FSHR: variants seen among roughly 807,000 people sequenced by gnomAD.
FSHR encodes the protein follicle-stimulating hormone receptor.
A neutral mutation model predicts 52.1 loss-of-function variants in FSHR; 46 were observed. The observed-to-expected ratio is 0.88, with a 90% CI of 0.70 to 1.13. The LOEUF (loss-of-function observed/expected upper bound fraction) is 1.13, where lower values mean the gene tolerates loss of function less well. Among genes scored for constraint, FSHR ranks in the 50% most tolerant of loss-of-function variants. FSHR has a pLI of 0.00. For missense variants in FSHR, 964 were observed against 834.6 expected, an observed-to-expected ratio of 1.16 and a Z score of -1.91; for synonymous variants, 399 against 309.6, an observed-to-expected ratio of 1.29 and a Z score of -3.03.
intron 2 of FSHR, among the ~76,000 whole-genome samples, chr2:49,056,997 AT>A (rs940123764): frequency 1.2e-4 from 19 of 152,236 alleles, no homozygotes; most frequent in African/African-American, 4.3e-4. Context: ...AACCTATGGG[AT>A]GAGCAAAAGC....
intron 2 of FSHR, among the ~76,000 whole-genome samples, chr2:49,065,730 T>C (rs1669479634): frequency 6.6e-6 from 1 of 152,000 alleles, no homozygotes; most frequent in African/African-American, 2.4e-5. Flanking sequence ...ATCTGACAAC[T>C]GGTCATTCAA....
At chr2:48,974,848 A>T (rs1674915020) in intron 8 of FSHR, among the ~76,000 whole-genome samples, 1 of 152,186 alleles carries the variant, frequency 6.6e-6, no homozygotes. Flanking sequence ...CTGTTCTCCT[A>T]AAACATACAC....
chr2:49,076,035 A>G (rs1669938859), intron 1 of FSHR, among the ~76,000 whole-genome samples: 1 of 152,200 alleles, frequency 6.6e-6, no homozygotes, highest in Non-Finnish European at 1.5e-5. Context: ...AAGTGAATAG[A>G]CCTATAATTA....
At chr2:49,119,708 T>C (rs900072106) in intron 1 of FSHR, among the ~76,000 whole-genome samples, 12 of 152,048 alleles carry the variant, frequency 7.9e-5, no homozygotes, top group Non-Finnish European at 4.4e-5. Flanking sequence ...TTTGCAGTGG[T>C]TATGATTGCA....
intron 2 of FSHR, among the ~76,000 whole-genome samples, chr2:49,059,196 T>C (rs1416019551): frequency 1.3e-5 from 2 of 151,634 alleles, no homozygotes; most frequent in African/African-American, 4.9e-5. Context: ...TAAGACCTTG[T>C]CTCTAAAAAT....
intron 4 of FSHR, among the ~76,000 whole-genome samples, chr2:49,013,186 G>C (rs1667339780): frequency 6.6e-6 from 1 of 150,816 alleles, no homozygotes; most frequent in Non-Finnish European, 1.5e-5. Context: ...GGAGAAGGCA[G>C]CTGTCTGCAA....
rs70946839 is a variant in FSHR, at chr2:48,985,697, G to GTTTTTTTTTT, written c.525-2541_525-2532dup. Among the ~76,000 whole-genome samples the GTTTTTTTTTT allele has an allele frequency of 1.8e-4, 18 of 99,572 alleles. 7 individuals carry two copies. Among genetic ancestry groups the GTTTTTTTTTT allele is most frequent in the African/African-American group, 4.6e-4 (11 of 23,906 alleles). 65.3% of individuals were successfully genotyped at this position (99,572 alleles called of 152,430 possible). A position where few individuals can be genotyped will look rare whatever the true frequency, so the allele number is the denominator to read the frequency against. ...TTCAGTTTCAGGGGAGCAAGTACAG[G>GTTTTTTTTTT]TTTTTTTTTTTTTTTTTTTTTTTTT... On this transcript the variant is annotated intron_variant, in intron 6 of 9. Transcript: ENST00000406846.
At chr2:49,064,062 T>TTGTG (rs61681324) in intron 2 of FSHR, among the ~76,000 whole-genome samples, 7,325 of 148,536 alleles carry the variant, frequency 0.049, 200 homozygotes, top group Middle Eastern at 0.069. Context: ...CATGAAGAGT[T>TTGTG]TGTGTGTGTG....
At chr2:49,104,677 A>C (rs901480948) in intron 1 of FSHR, among the ~76,000 whole-genome samples, 1 of 152,142 alleles carries the variant, frequency 6.6e-6, no homozygotes, top group Non-Finnish European at 1.5e-5. Context: ...ACAAGAATGT[A>C]AAGAGGACCG....
intron 1 of FSHR, among the ~76,000 whole-genome samples, chr2:49,125,581 T>A (rs1330746525): frequency 2.0e-5 from 3 of 152,234 alleles, no homozygotes; most frequent in Non-Finnish European, 2.9e-5. Context: ...TAGAGCACTG[T>A]CTCGCACACA....
At chr2:49,135,087 A>G (rs890707726) in intron 1 of FSHR, among the ~76,000 whole-genome samples, 5 of 152,184 alleles carry the variant, frequency 3.3e-5, no homozygotes, top group Non-Finnish European at 4.4e-5. Context: ...TATATAAAAG[A>G]CTTGAGCAAT....
chr2:49,098,864 T>C (rs1452017596), intron 1 of FSHR, among the ~76,000 whole-genome samples: 3 of 146,794 alleles, frequency 2.0e-5, no homozygotes, highest in Non-Finnish European at 4.5e-5. Context: ...TTATATATAA[T>C]ATATACTTAT....
chr2:48,977,319 C>A (rs891247847), intron 8 of FSHR, among the ~76,000 whole-genome samples: 1 of 152,052 alleles, frequency 6.6e-6, no homozygotes, highest in Non-Finnish European at 1.5e-5. Context: ...GATCTCTGAG[C>A]CTTGATAGTC....
At chr2:49,051,018 C>T (rs756177849) in intron 2 of FSHR, among the ~76,000 whole-genome samples, 1 of 152,092 alleles carries the variant, frequency 6.6e-6, no homozygotes, top group African/African-American at 2.4e-5. Context: ...TCTTTGCTTA[C>T]TATAATGCTT....
chr2:49,021,886 T>TATATATATATATATAAAG (rs1273265515), intron 2 of FSHR, among the ~76,000 whole-genome samples: 10 of 25,122 alleles, frequency 4.0e-4, no homozygotes, highest in African/African-American at 1.5e-3. Context: ...TATATATATA[T>TATATATATATATATAAAG]AGAGAGAGAG....
chr2:49,015,061 A>C (rs535934947), intron 4 of FSHR: 7 of 304,616 alleles, frequency 2.3e-5, no homozygotes, highest in Non-Finnish European at 2.6e-5. Context: ...TTATATAAAA[A>C]CAATTTGCAA....
intron 4 of FSHR, among the ~76,000 whole-genome samples, chr2:48,990,893 A>G (rs1675742117): frequency 3.4e-5 from 1 of 29,322 alleles, no homozygotes; most frequent in African/African-American, 6.7e-5. Context: ...AGTATACATT[A>G]AAAAAAAAAC....
chr2:48,996,403 T>G (rs1020747151), intron 4 of FSHR, among the ~76,000 whole-genome samples: 3 of 152,130 alleles, frequency 2.0e-5, no homozygotes, highest in Non-Finnish European at 4.4e-5. Context: ...CAGGGTTAGA[T>G]TCCTATAAGC....
chr2:49,134,762 G>T (rs1188033439), intron 1 of FSHR, among the ~76,000 whole-genome samples: 2 of 152,190 alleles, frequency 1.3e-5, no homozygotes, highest in Admixed American at 6.5e-5. Flanking sequence ...CATGTCCTTT[G>T]TATGGACATG....
Sources: allele counts gnomAD v4.1 joint callset (sites outside exome capture counted in the v4.1 genomes callset), GRCh38; gene constraint gnomAD v4.1.1; transcripts MANE v1.5; gene names NCBI Gene and HGNC (gene_info 2026-07-23, HGNC 2026-07-21).